The following CLSTN2 variants were observed in gnomAD, a reference collection of about 807,000 sequenced individuals.
CLSTN2 encodes calsyntenin-2.
In CLSTN2, 48 loss-of-function variants were observed where a neutral mutation model predicts 101.2. The ratio of observed to expected loss-of-function variants is 0.47; its 90% confidence interval spans 0.38 to 0.60. CLSTN2 has a LOEUF of 0.60. Ranked by LOEUF, CLSTN2 falls within the 20% of genes least tolerant of loss-of-function variation. CLSTN2 has a pLI of 0.00. For synonymous variants in CLSTN2, 481 were observed against 463.6 expected (o/e 1.04, Z -0.48); for missense variants, 1,160 against 1,238.2 (o/e 0.94, Z 0.95).
chr3:140,390,488 T>G (rs1478713420), intron 2 of CLSTN2, among the ~76,000 whole-genome samples: 1 of 152,228 alleles, frequency 6.6e-6, no homozygotes, highest in East Asian at 1.9e-4. Flanking sequence ...TTAAGCCTTT[T>G]AAATTGATTG....
intron 2 of CLSTN2, among the ~76,000 whole-genome samples, chr3:140,367,453 C>T (rs1247004610): frequency 7.2e-6 from 1 of 138,710 alleles, no homozygotes; most frequent in Non-Finnish European, 1.5e-5. Flanking sequence ...GCAGAGGTTG[C>T]AGTGAGCCGA....
intron 1 of CLSTN2, among the ~76,000 whole-genome samples, chr3:140,016,021 A>G (rs1191784759): frequency 1.3e-5 from 2 of 152,230 alleles, no homozygotes; most frequent in Non-Finnish European, 2.9e-5. Context: ...TCAGCCCAGA[A>G]GGGCAGCCAG....
At chr3:140,281,312 A>G (rs2086844585) in intron 2 of CLSTN2, among the ~76,000 whole-genome samples, 2 of 152,228 alleles carry the variant, frequency 1.3e-5, no homozygotes, top group Admixed American at 1.3e-4. Flanking sequence ...AACAGGAAGG[A>G]ATGTTCCTGC....
chr3:139,937,772 A>G (rs1037996749), intron 1 of CLSTN2, among the ~76,000 whole-genome samples: 2 of 152,044 alleles, frequency 1.3e-5, no homozygotes, highest in Non-Finnish European at 2.9e-5. Flanking sequence ...CAAACAAACT[A>G]GACATTTGTT....
At chr3:140,108,770 T>C (rs2009104478) in intron 1 of CLSTN2, among the ~76,000 whole-genome samples, 1 of 152,202 alleles carries the variant, frequency 6.6e-6, no homozygotes, top group African/African-American at 2.4e-5. Flanking sequence ...AGCACGCATC[T>C]AAATATGCTA....
intron 2 of CLSTN2, among the ~76,000 whole-genome samples, chr3:140,326,050 A>T (rs765873761): frequency 1.5e-4 from 23 of 152,204 alleles, no homozygotes; most frequent in African/African-American, 2.4e-5. Flanking sequence ...CTACCCCACA[A>T]CAAAGTGTTA....
intron 1 of CLSTN2, among the ~76,000 whole-genome samples, chr3:139,950,509 C>T (rs1297049929): frequency 6.6e-6 from 1 of 152,142 alleles, no homozygotes; most frequent in African/African-American, 2.4e-5. Flanking sequence ...AATAACAATT[C>T]CCTTTAGATA....
chr3:140,195,167 G>A (rs545196040), intron 2 of CLSTN2, among the ~76,000 whole-genome samples: 31 of 152,306 alleles, frequency 2.0e-4, no homozygotes, highest in East Asian at 1.9e-4. Context: ...TCTTTATGCC[G>A]TGTTTATCTG....
chr3:139,961,677 T>C (rs890004029), intron 1 of CLSTN2, among the ~76,000 whole-genome samples: 4 of 152,204 alleles, frequency 2.6e-5, no homozygotes, highest in African/African-American at 9.6e-5. Flanking sequence ...GCTTGCCTTT[T>C]TAAGGGACAA....
intron 5 of CLSTN2, among the ~76,000 whole-genome samples, chr3:140,446,476 C>T (rs1452710568): frequency 6.6e-6 from 1 of 152,124 alleles, no homozygotes; most frequent in Non-Finnish European, 1.5e-5. Context: ...ACTCAGATTG[C>T]AAAGGTACCT....
At chr3:140,014,799 CAG>C (rs964558075) in intron 1 of CLSTN2, among the ~76,000 whole-genome samples, 1 of 152,124 alleles carries the variant, frequency 6.6e-6, no homozygotes, top group African/African-American at 2.4e-5. Flanking sequence ...AGTGATCAGT[CAG>C]AGTTTTGTGG....
intron 2 of CLSTN2, among the ~76,000 whole-genome samples, chr3:140,326,340 G>C (rs575497755): frequency 1.3e-5 from 2 of 152,354 alleles, no homozygotes; most frequent in South Asian, 4.1e-4. Flanking sequence ...ACAGAGGGAA[G>C]AAGGGGCCCC....
intron 8 of CLSTN2, chr3:140,506,560 G>T (rs1934687658): frequency 6.6e-6 from 1 of 152,154 alleles, no homozygotes; most frequent in Non-Finnish European, 1.5e-5. Flanking sequence ...AGCCTGGGAG[G>T]ACAGGTGGGG....
rs546632927 is a variant in CLSTN2, at chr3:140,497,811, C to T, written c.1344+31080C>T. On this transcript the variant is annotated intron_variant, in intron 8 of 16. Transcript: ENST00000458420. ...CAGTTCTGTGTATCAGACCCAAGAC[C>T]CTGATGGCATGGACTCATGAGGGAA... is the stretch of plus-strand genomic sequence containing the variant. Among the ~76,000 whole-genome samples, 162 of 152,266 alleles carry T rather than the reference C, an allele frequency of 1.1e-3. 2 individuals carry two copies. The highest frequency in any genetic ancestry group is 2.4e-4 in the Non-Finnish European group (16 of 68,022).
intron 1 of CLSTN2, among the ~76,000 whole-genome samples, chr3:140,107,138 T>C (rs2009072735): frequency 6.6e-6 from 1 of 152,194 alleles, no homozygotes; most frequent in Admixed American, 6.5e-5. Context: ...AACATCAGAA[T>C]TTCTACAGAG....
rs929071389 is a variant in CLSTN2 at position 140,568,536 on chromosome 3, T to G, written c.*2283T>G. 2 of 152,106 alleles carry G rather than the reference T, an allele frequency of 1.3e-5. No homozygotes were observed. The highest frequency in any genetic ancestry group is 2.9e-5 in the Non-Finnish European group (2 of 68,012). 9.4% of individuals were successfully genotyped at this position (152,106 alleles called of 1,614,324 possible). On this transcript the variant is annotated 3_prime_UTR_variant, in exon 17 of 17. Transcript: ENST00000458420. The stretch of plus-strand genomic sequence containing the variant: ...ACAAGAGGAAAGTCTATAGGACTGA[T>G]TAGTTTTCACAATCCCATTTAAATA...
At chr3:140,416,361 C>A (rs2088431365) in intron 4 of CLSTN2, among the ~76,000 whole-genome samples, 1 of 151,526 alleles carries the variant, frequency 6.6e-6, no homozygotes, top group South Asian at 2.1e-4. Context: ...CTCAACTGAG[C>A]TCACCACACA....
intron 2 of CLSTN2, among the ~76,000 whole-genome samples, chr3:140,344,914 T>A (rs1056519183): frequency 6.6e-6 from 1 of 152,168 alleles, no homozygotes; most frequent in African/African-American, 2.4e-5. Flanking sequence ...TCTACACTGA[T>A]GGCTCTGGAG....
chr3:140,524,140 A>C (rs1576611214), intron 8 of CLSTN2, among the ~76,000 whole-genome samples: 1 of 152,364 alleles, frequency 6.6e-6, no homozygotes, highest in Non-Finnish European at 1.5e-5. Flanking sequence ...AACAGATTGC[A>C]TGAGGGAGTG....
Sources: allele counts gnomAD v4.1 joint callset (sites outside exome capture counted in the v4.1 genomes callset), GRCh38; gene constraint gnomAD v4.1.1; transcripts MANE v1.5; gene names NCBI Gene and HGNC (gene_info 2026-07-23, HGNC 2026-07-21).